BRIP1: variants seen among roughly 807,000 people sequenced by gnomAD.
The protein encoded by BRIP1 is BRCA1 interacting DNA helicase 1, also known as Fanconi anemia group J protein.
BRIP1 carries 88 observed loss-of-function variants against 119.7 expected under a neutral mutation model. The observed-to-expected ratio is 0.74, with a 90% CI of 0.62 to 0.88. BRIP1 has a LOEUF of 0.88. Among genes scored for constraint, BRIP1 ranks in the 40% least tolerant of loss-of-function variants. The probability of loss-of-function intolerance (pLI) is 0.00; values close to 1 mark genes in which losing one functional copy is unlikely to be tolerated. For synonymous variants in BRIP1, 443 were observed against 496.5 expected, an observed-to-expected ratio of 0.89 and a Z score of 1.43; for missense variants, 1,259 against 1,455.4, an observed-to-expected ratio of 0.87 and a Z score of 2.20.
rs1304975972 is a variant in BRIP1, at chr17:61,754,008, T to C, written c.2098-9417A>G. Among the ~76,000 whole-genome samples, 1 of 152,214 alleles carries C rather than the reference T, an allele frequency of 6.6e-6. No individual in the cohort carries two copies. The highest frequency in any genetic ancestry group is 1.9e-4 in the East Asian group (1 of 5,200). On this transcript the variant is annotated intron_variant, in intron 14 of 19. Coordinates refer to ENST00000259008, the MANE Select transcript of BRIP1 (RefSeq NM_032043.3). This position sits in a 1 kb window ranked among gnomAD's most constrained non-coding sequence, Gnocchi z 4.1. ...TCTAAACATTTCTCACTATCTTTAC[T>C]GCTACCACAGTGGTCCAAGCCACCA... is the stretch of plus-strand genomic sequence containing the variant.
At chr17:61,786,997 A>AAATT (rs2077727664) in intron 10 of BRIP1, among the ~76,000 whole-genome samples, 1 of 115,326 alleles carries the variant, frequency 8.7e-6, no homozygotes. Context: ...TAAATTTATA[A>AAATT]ATAATTTTAT....
At position 61,778,172 on chromosome 17, in the gene BRIP1, G is replaced by A. The variant is rs982410048; in HGVS notation, c.1936-1610C>T. Among the ~76,000 whole-genome samples, 3 of 152,150 alleles carry A rather than the reference G, an allele frequency of 2.0e-5. No individual in the cohort carries two copies. Among genetic ancestry groups the A allele is most frequent in the African/African-American group, 7.2e-5 (3 of 41,424 alleles). On this transcript the variant is annotated intron_variant, in intron 13 of 19. Coordinates refer to ENST00000259008, the MANE Select transcript of BRIP1 (RefSeq NM_032043.3). This position sits in a 1 kb window ranked among gnomAD's most constrained non-coding sequence, Gnocchi z 4.4. Reference sequence around the variant, plus strand: ...TACAACATAGATGATGAACTTTGAAGACATTATCTGCAACATGGACAAACC... The same window carrying A: ...TACAACATAGATGATGAACTTTGAAAACATTATCTGCAACATGGACAAACC...
chr17:61,797,551 G>C (rs1486497286), intron 9 of BRIP1, among the ~76,000 whole-genome samples: 1 of 151,972 alleles, frequency 6.6e-6, no homozygotes. Flanking sequence ...TGAGAAAATA[G>C]AATTAGCAAC....
chr17:61,746,555 A>G lies in BRIP1; in HGVS notation c.2098-1964T>C, dbSNP rs141797082. ...AGAGGTGGCAATTCTAAGATACTAA[A>G]TAGATTCTAAGTCAAAAATTGTCAC... On this transcript the variant is annotated intron_variant, in intron 14 of 19. Transcript: ENST00000259008. This position sits in a 1 kb window ranked among gnomAD's most constrained non-coding sequence, Gnocchi z 4.9. Among the ~76,000 whole-genome samples, 21 of 149,130 alleles carry G rather than the reference A, an allele frequency of 1.4e-4. No individual in the cohort carries two copies. The highest frequency in any genetic ancestry group is 2.7e-4 in the African/African-American group (11 of 40,462).
intron 4 of BRIP1, among the ~76,000 whole-genome samples, chr17:61,850,322 G>A (rs1341469947): frequency 6.6e-6 from 1 of 151,562 alleles, no homozygotes; most frequent in Admixed American, 6.6e-5. Flanking sequence ...GGCTGGTCTC[G>A]AACTCCTGAC....
intron 17 of BRIP1, among the ~76,000 whole-genome samples, chr17:61,702,732 C>T (rs572722253): frequency 1.2e-4 from 19 of 152,112 alleles, no homozygotes; most frequent in Non-Finnish European, 2.6e-4. Context: ...GTTGATTCCA[C>T]GTCTTTGCTA....
rs1197899411 is a variant in BRIP1 at position 61,831,376 on chromosome 17, C to A, written c.627+15725G>T. On this transcript the variant is annotated intron_variant, in intron 6 of 19. Transcript: ENST00000259008. This position sits in a 1 kb window ranked among gnomAD's most constrained non-coding sequence, Gnocchi z 4.1. The stretch of plus-strand genomic sequence containing the variant: ...AAACTCCAAAAATATCAACTAGAAC[C>A]AATAAGTGATATAACAAGTTGCAGG... Among the ~76,000 whole-genome samples the A allele has an allele frequency of 2.0e-5, 3 of 152,152 alleles. No homozygotes were observed. Among genetic ancestry groups the A allele is most frequent in the Non-Finnish European group, 2.9e-5 (2 of 68,004 alleles).
intron 11 of BRIP1, 109 bp from the exon 12 acceptor site, chr17:61,781,114 A>AGGGGAGGAGCCAAGATGG: frequency 1.0e-6 from 1 of 964,984 alleles, no homozygotes; most frequent in Non-Finnish European, 1.6e-6. Context: ...AAGAGCTGGT[A>AGGGGAGGAGCCAAGATGG]CCTTCCCATT....
chr17:61,845,046 A>T lies in BRIP1; in HGVS notation c.627+2055T>A, dbSNP rs984787564. Among the ~76,000 whole-genome samples the T allele has an allele frequency of 2.0e-5, 3 of 152,260 alleles. No homozygotes were observed. The highest frequency in any genetic ancestry group is 7.2e-5 in the African/African-American group (3 of 41,458). On this transcript the variant is annotated intron_variant, in intron 6 of 19. Coordinates refer to ENST00000259008, the MANE Select transcript of BRIP1 (RefSeq NM_032043.3). This position sits in a 1 kb window ranked among gnomAD's most constrained non-coding sequence, Gnocchi z 4.2. ...TACATCGTAATAGGACAGACAAATA[A>T]TAAACAAGTAATCAAGTAATTTCAG...
chr17:61,788,070 T>C (rs1394253122), intron 10 of BRIP1, among the ~76,000 whole-genome samples: 4 of 152,140 alleles, frequency 2.6e-5, no homozygotes, highest in African/African-American at 7.2e-5. Flanking sequence ...ATTCAGACAA[T>C]ATGGTTATCT....
intron 17 of BRIP1, 26 bp downstream of exon 17, chr17:61,715,925 A>G: frequency 7.2e-7 from 1 of 1,385,516 alleles, no homozygotes; most frequent in Non-Finnish European, 1.0e-6. Context: ...CACAGATAAT[A>G]TTATATTAAA....
chr17:61,782,349 G>GCACTCCA (rs2145115336), intron 11 of BRIP1, among the ~76,000 whole-genome samples: 1 of 133,650 alleles, frequency 7.5e-6, no homozygotes, highest in South Asian at 2.3e-4. Context: ...TCGCGCCACT[G>GCACTCCA]CACTCCAACC....
In BRIP1 at chr17:61,861,730, G is replaced by A. The variant is rs1335105605; in HGVS notation, c.-30-161C>T. 1.3e-5 allele frequency among the ~76,000 whole-genome samples: 2 copies of A among 152,116 alleles called. No individual in the cohort carries two copies. The highest frequency in any genetic ancestry group is 2.4e-5 in the African/African-American group (1 of 41,410). ...ATTTCCTAGTCTTATAAATCACAGC[G>A]GTCAAGAGCATGTCTTAGAGTCTAA... On this transcript the variant is annotated intron_variant, in intron 1 of 19. Transcript: ENST00000259008. The surrounding 1 kb of genome is among the most constrained non-coding windows in gnomAD (Gnocchi z 4.5).
chr17:61,693,394 TACTA>T lies in BRIP1; in HGVS notation c.2575+32_2575+35del. 6.6e-7 allele frequency: 1 copy of T among 1,525,616 alleles called. No individual in the cohort carries two copies. The highest frequency in any genetic ancestry group is 9.1e-7 in the Non-Finnish European group (1 of 1,099,642). The allele number at this position is 1,525,616 out of a possible 1,614,324, so 94.5% of individuals were successfully genotyped here. A position where few individuals can be genotyped will look rare whatever the true frequency, so the allele number is the denominator to read the frequency against. ...ACCACAATAAAAATATGAAGATTGTTACTAGTTTTTACTCTAAGCCCAGCTGAGA... is the reference window on the plus strand; with the variant it reads ...ACCACAATAAAAATATGAAGATTGTTGTTTTTACTCTAAGCCCAGCTGAGA... On this transcript the variant is annotated intron_variant, in intron 18 of 19. Transcript: ENST00000259008. This position sits in a 1 kb window ranked among gnomAD's most constrained non-coding sequence, Gnocchi z 4.2.
chr17:61,785,930 G>GC (rs1603337562), intron 10 of BRIP1, among the ~76,000 whole-genome samples: 2 of 151,706 alleles, frequency 1.3e-5, no homozygotes, highest in East Asian at 1.9e-4. Context: ...AGCTGGGTTG[G>GC]GGGGGGTAGA....
intron 14 of BRIP1, among the ~76,000 whole-genome samples, chr17:61,763,697 A>G (rs2077310901): frequency 6.6e-6 from 1 of 152,154 alleles, no homozygotes; most frequent in South Asian, 2.1e-4. Context: ...AGTTAACTAG[A>G]TATCTTAAAA....
intron 14 of BRIP1, among the ~76,000 whole-genome samples, chr17:61,765,213 C>T (rs2077333977): frequency 6.6e-6 from 1 of 150,494 alleles, no homozygotes; most frequent in African/African-American, 2.4e-5. Flanking sequence ...ACACTGCCTT[C>T]TCAAACTAAG....
chr17:61,715,150 A>T (rs925436295), intron 17 of BRIP1, among the ~76,000 whole-genome samples: 9 of 151,550 alleles, frequency 5.9e-5, no homozygotes, highest in African/African-American at 2.2e-4. Context: ...CAGTGAGCCG[A>T]TATCACGCCA....
chr17:61,773,008 A>G (rs2077481755), intron 14 of BRIP1, among the ~76,000 whole-genome samples: 1 of 151,938 alleles, frequency 6.6e-6, no homozygotes, highest in Non-Finnish European at 1.5e-5. Context: ...TTCTAACATT[A>G]TTTAATTATG....
Sources: allele counts gnomAD v4.1 joint callset (sites outside exome capture counted in the v4.1 genomes callset), GRCh38; gene constraint gnomAD v4.1.1; non-coding constraint Gnocchi (gnomAD v3.1); transcripts MANE v1.5; gene names NCBI Gene and HGNC (gene_info 2026-07-23, HGNC 2026-07-21).